The following TBK1 variants were observed in gnomAD, a reference collection of about 807,000 sequenced individuals.
TBK1 encodes serine/threonine-protein kinase TBK1.
TBK1 carries 37 observed loss-of-function variants against 99.9 expected under a neutral mutation model. The ratio of observed to expected loss-of-function variants is 0.37; its 90% CI spans 0.28 to 0.49. The LOEUF is 0.49. Among genes scored for constraint, TBK1 ranks in the 20% least tolerant of loss-of-function variants. The pLI, the probability that TBK1 is intolerant of heterozygous loss-of-function variation, is 0.98. For missense variants in TBK1, 644 were observed against 872.5 expected (o/e 0.74, Z 3.30); for synonymous variants, 258 against 279.8 (o/e 0.92, Z 0.78).
chr12:64,458,504 G>GATATATATATATATATAT (rs2040513547), intron 2 of TBK1, among the ~76,000 whole-genome samples: 1 of 103,990 alleles, frequency 9.6e-6, no homozygotes, highest in African/African-American at 3.0e-5. Context: ...TGCACATATG[G>GATATATATATATATATAT]ATATATACAT....
At chr12:64,500,403 T>G (rs1592379046) in intron 20 of TBK1, among the ~76,000 whole-genome samples, 1 of 152,260 alleles carries the variant, frequency 6.6e-6, no homozygotes, top group African/African-American at 2.4e-5. Context: ...CTCCCATATT[T>G]CCCCTCGTCA....
chr12:64,480,110 G>T lies in TBK1; in HGVS notation c.800G>T (p.Cys267Phe). 1 of 1,611,572 alleles carries T rather than the reference G, an allele frequency of 6.2e-7. No individual in the cohort carries two copies. The highest frequency in any genetic ancestry group is 8.5e-7 in the Non-Finnish European group (1 of 1,178,654). Residue 267 changes from cysteine to phenylalanine, a missense_variant, in exon 7 of 21, where the codon TGC becomes TTC. Physicochemically the swap from Cys to Phe is radical, Grantham distance 205. Around this residue, in one of 3 missense-constraint regions of TBK1, gnomAD observed 465 missense variants for 588.0 expected, o/e 0.79. Transcript: ENST00000331710. ...TGGAGTGGAGACATGCCTGTTTCTT[G>T]CAGTCTTTCTCGGTAAGTATGGTGT... ...IDWSGDMPVS[C>F]SLSRGLQVLL...
At position 64,466,882 on chromosome 12, in the gene TBK1, T is replaced by C. The variant is rs2040610630; in HGVS notation, c.359-19T>C. The C allele has an allele frequency of 6.6e-7, 1 of 1,522,658 alleles. No individual in the cohort carries two copies. The highest frequency in any genetic ancestry group is 1.4e-5 in the African/African-American group (1 of 71,760). 94.3% of individuals were successfully genotyped at this position (1,522,658 alleles called of 1,614,324 possible). ...GTAAATATCTACATTATGACTTCTT[T>C]TGTTTTATATTGTTGAAGTGGGTGG... On this transcript the variant is annotated intron_variant, in intron 4 of 20. Transcript: ENST00000331710.
chr12:64,482,975 A>G (rs530871787), intron 8 of TBK1, among the ~76,000 whole-genome samples: 2 of 152,348 alleles, frequency 1.3e-5, no homozygotes, highest in South Asian at 2.1e-4. Context: ...GCTTTGCTAT[A>G]TGCAGGATGC....
intron 13 of TBK1, among the ~76,000 whole-genome samples, chr12:64,490,657 G>A (rs1288362178): frequency 6.6e-6 from 1 of 152,056 alleles, no homozygotes; most frequent in East Asian, 1.9e-4. Context: ...TTTAAATTAG[G>A]CTGGGCGCGG....
intron 4 of TBK1, among the ~76,000 whole-genome samples, chr12:64,465,249 A>AAAAAC (rs2040590498): frequency 6.6e-6 from 1 of 150,778 alleles, no homozygotes; most frequent in African/African-American, 2.4e-5. Context: ...TCTCAAAAAA[A>AAAAAC]AAAAAAAAAA....
At chr12:64,488,617 G>T (rs753567655) in intron 12 of TBK1, 29 bp downstream of exon 12, 6 of 1,384,854 alleles carry the variant, frequency 4.3e-6, no homozygotes, top group Non-Finnish European at 6.0e-6. Context: ...TACTAGTAGG[G>T]GTTAAATTAT....
intron 8 of TBK1, among the ~76,000 whole-genome samples, chr12:64,483,541 T>C (rs1177110326): frequency 6.6e-6 from 1 of 152,188 alleles, no homozygotes; most frequent in Non-Finnish European, 1.5e-5. Context: ...AACAATTCTG[T>C]GAAGTGGGTA....
At chr12:64,488,970 GAC>G (rs2040843965) in intron 12 of TBK1, among the ~76,000 whole-genome samples, 1 of 152,192 alleles carries the variant, frequency 6.6e-6, no homozygotes, top group Non-Finnish European at 1.5e-5. Flanking sequence ...CCAGCCTGGT[GAC>G]AGAGTGAGAC....
chr12:64,488,417 A>AT, intron 11 of TBK1, 70 bp from the exon 12 acceptor site: 1 of 795,622 alleles, frequency 1.3e-6, no homozygotes, highest in Non-Finnish European at 2.0e-6. Flanking sequence ...GTAGTACTGC[A>AT]GTATAATTAG....
chr12:64,497,481 G>T (rs1273780849), intron 18 of TBK1, among the ~76,000 whole-genome samples, 167 bp from the exon 19 acceptor site: 2 of 152,114 alleles, frequency 1.3e-5, no homozygotes, highest in African/African-American at 2.4e-5. Context: ...TCTTAAAAGG[G>T]TGTTGATTTA....
rs557770853 is a variant in TBK1 at position 64,490,348 on chromosome 12, T to C, written c.1521+229T>C. Among the ~76,000 whole-genome samples, 8 of 152,284 alleles carry C rather than the reference T, an allele frequency of 5.3e-5. No individual in the cohort carries two copies. The South Asian group carries it at 1.7e-3, about 32-fold the overall frequency. On this transcript the variant is annotated intron_variant, in intron 13 of 20. Transcript: ENST00000331710. ...GGGCAACTGCACGAAATCTTGTCTG[T>C]AAAATAAATAATTTAAATAAATAAA... is the stretch of plus-strand genomic sequence containing the variant.
At chr12:64,463,179 G>A (rs1047087889) in intron 3 of TBK1, among the ~76,000 whole-genome samples, 3 of 151,850 alleles carry the variant, frequency 2.0e-5, no homozygotes, top group African/African-American at 7.3e-5. Context: ...AGACCATCCT[G>A]GCTAACATGG....
intron 3 of TBK1, among the ~76,000 whole-genome samples, chr12:64,463,794 A>T (rs780186705): frequency 6.6e-6 from 1 of 151,830 alleles, no homozygotes; most frequent in Non-Finnish European, 1.5e-5. Context: ...GCTACTTTTT[A>T]CTGTGGTTTG....
intron 12 of TBK1, 121 bp from the exon 13 acceptor site, chr12:64,489,920 G>A: frequency 1.6e-6 from 1 of 640,740 alleles, no homozygotes; most frequent in Non-Finnish European, 2.5e-6. Flanking sequence ...TATAGACTTT[G>A]AATCAATTTT....
intron 10 of TBK1, 114 bp from the exon 11 acceptor site, chr12:64,485,812 T>C: frequency 1.5e-6 from 1 of 648,358 alleles, no homozygotes. Flanking sequence ...GGTGGTTTAT[T>C]GTGTTTTTAA....
At chr12:64,474,111 G>A in intron 5 of TBK1, 119 bp from the exon 6 acceptor site, 2 of 965,026 alleles carry the variant, frequency 2.1e-6, no homozygotes, top group South Asian at 3.7e-5. Flanking sequence ...TTTCAGATTG[G>A]GAAAGTGAAG....
In TBK1 at chr12:64,501,437, G is replaced by A; in HGVS notation, c.*56G>A. 1 of 1,570,004 alleles carries A rather than the reference G, an allele frequency of 6.4e-7. No homozygotes were observed. Among genetic ancestry groups the A allele is most frequent in the Non-Finnish European group, 8.7e-7 (1 of 1,146,450 alleles). ...GTTTGCACAAGAAAATAACGCTTGG[G>A]CATTAAATGAATGCCTTTATAGATA... On this transcript the variant is annotated 3_prime_UTR_variant, in exon 21 of 21. Coordinates refer to ENST00000331710, the MANE Select transcript of TBK1 (RefSeq NM_013254.4).
At chr12:64,497,930 T>G (rs920585465) in intron 19 of TBK1, 38 bp from the exon 20 acceptor site, 1 of 1,556,258 alleles carries the variant, frequency 6.4e-7, no homozygotes, top group Non-Finnish European at 8.8e-7. Flanking sequence ...AACATTTGCA[T>G]ACTGTTTTTG....
Sources: gnomAD v4.1 joint callset for allele counts (sites outside exome capture counted in the v4.1 genomes callset) on GRCh38, gnomAD v4.1.1 for gene constraint, gnomAD v4.1.1 regional missense constraint, MANE v1.5 for transcripts, NCBI Gene and HGNC (gene_info 2026-07-23, HGNC 2026-07-21) for gene names.